The following SDK1 variants were observed in gnomAD, a reference collection of about 807,000 sequenced individuals.
The protein encoded by SDK1 is sidekick cell adhesion molecule 1, also known as protein sidekick-1.
In SDK1, 157 loss-of-function variants were observed where a neutral mutation model predicts 245.5. The ratio of observed to expected loss-of-function variants is 0.64; its 90% CI spans 0.56 to 0.73. SDK1 has a LOEUF of 0.73. Among genes scored for constraint, SDK1 ranks in the 30% least tolerant of loss-of-function variants. The probability of loss-of-function intolerance (pLI) is 0.00; values close to 1 mark genes in which losing one functional copy is unlikely to be tolerated. For synonymous variants in SDK1, 1,647 were observed against 1,278.5 expected (o/e 1.29, Z -6.15); for missense variants, 3,583 against 3,002.3 (o/e 1.19, Z -4.52).
intron 1 of SDK1, among the ~76,000 whole-genome samples, chr7:3,552,046 C>CTT (rs533658017): frequency 6.8e-6 from 1 of 147,772 alleles, no homozygotes; most frequent in Non-Finnish European, 1.5e-5. Flanking sequence ...TCTTCTTCTT[C>CTT]TTTTTTTTTT....
intron 1 of SDK1, among the ~76,000 whole-genome samples, chr7:3,539,777 G>A (rs531108351): frequency 2.0e-5 from 3 of 152,126 alleles, no homozygotes; most frequent in African/African-American, 4.8e-5. Flanking sequence ...AATTTTTAGG[G>A]CTCACCAACT....
intron 5 of SDK1, among the ~76,000 whole-genome samples, chr7:3,949,053 C>T (rs1331044821): frequency 1.3e-5 from 2 of 152,124 alleles, no homozygotes; most frequent in African/African-American, 4.8e-5. Context: ...TGAGTGCATC[C>T]GGACTCTGCC....
chr7:4,114,548 C>T (rs149000326), intron 25 of SDK1, among the ~76,000 whole-genome samples: 8 of 152,258 alleles, frequency 5.3e-5, no homozygotes, highest in East Asian at 1.9e-4. Context: ...TTTTCGCTAA[C>T]GATGAAAAGC....
intron 1 of SDK1, among the ~76,000 whole-genome samples, chr7:3,465,168 A>G (rs7791617): frequency 0.41 from 61,862 of 151,866 alleles, 14,135 homozygotes; most frequent in East Asian, 0.5. Context: ...GACAAGTGGG[A>G]TTCTCAGGGT....
intron 22 of SDK1, among the ~76,000 whole-genome samples, chr7:4,103,922 G>A (rs1262705170): frequency 6.6e-6 from 1 of 152,266 alleles, no homozygotes; most frequent in Non-Finnish European, 1.5e-5. Flanking sequence ...CCGCAGTTCG[G>A]CTGCAAAAGC....
intron 1 of SDK1, among the ~76,000 whole-genome samples, chr7:3,617,863 G>C (rs1319411971): frequency 1.3e-5 from 2 of 152,104 alleles, no homozygotes; most frequent in African/African-American, 4.8e-5. Context: ...ATGAGTTTTG[G>C]AGGGGACATT....
At chr7:3,481,405 C>G (rs181182676) in intron 1 of SDK1, among the ~76,000 whole-genome samples, 92 of 152,318 alleles carry the variant, frequency 6.0e-4, no homozygotes, top group African/African-American at 2.1e-3. Flanking sequence ...AATTGTCAGT[C>G]AAGGATGTGC....
At chr7:3,478,363 A>G (rs1057269557) in intron 1 of SDK1, among the ~76,000 whole-genome samples, 8 of 152,124 alleles carry the variant, frequency 5.3e-5, no homozygotes, top group Non-Finnish European at 2.9e-5. Context: ...TAGGCATAAT[A>G]TATTATTAGT....
At chr7:3,773,447 C>T (rs1001210429) in intron 4 of SDK1, among the ~76,000 whole-genome samples, 1 of 151,960 alleles carries the variant, frequency 6.6e-6, no homozygotes, top group Admixed American at 6.6e-5. Context: ...GTTTTCTTGG[C>T]TTTCTCCACA....
Position 4,242,685 on chromosome 7 carries a change from C to A in SDK1, c.6251+772C>A, listed in dbSNP as rs144475269. On this transcript the variant is annotated intron_variant, in intron 43 of 44. Coordinates refer to ENST00000404826, the MANE Select transcript of SDK1 (RefSeq NM_152744.4). ...GCATCGGGGTGGAGGAGGCTTCTCT[C>A]CCTCAGCCAGACTCACCTTGGATTA... Among the ~76,000 whole-genome samples, 4 of 152,308 alleles carry A rather than the reference C, an allele frequency of 2.6e-5. No homozygotes were observed. In the East Asian group the frequency reaches 5.8e-4, roughly 22 times the overall value.
chr7:3,684,257 C>G (rs369738121), intron 4 of SDK1, among the ~76,000 whole-genome samples: 1 of 152,212 alleles, frequency 6.6e-6, no homozygotes, highest in African/African-American at 2.4e-5. Flanking sequence ...TATTAAGCAT[C>G]ACCCCACACA....
At chr7:3,856,337 G>C (rs975999187) in intron 5 of SDK1, among the ~76,000 whole-genome samples, 3 of 151,994 alleles carry the variant, frequency 2.0e-5, no homozygotes, top group African/African-American at 7.3e-5. Flanking sequence ...TTTAAAAAAT[G>C]AAACAACCTA....
intron 1 of SDK1, among the ~76,000 whole-genome samples, chr7:3,566,455 G>C (rs1240163299): frequency 6.6e-6 from 1 of 151,960 alleles, no homozygotes; most frequent in Non-Finnish European, 1.5e-5. Flanking sequence ...TCGATCTCCT[G>C]ACCTCGTGAT....
chr7:4,172,537 T>A (rs1336432612), intron 32 of SDK1, among the ~76,000 whole-genome samples: 1 of 152,178 alleles, frequency 6.6e-6, no homozygotes, highest in Non-Finnish European at 1.5e-5. Flanking sequence ...TCCTGGTGCC[T>A]GGGTTCAGAT....
At chr7:3,786,084 G>C (rs1253791767) in intron 4 of SDK1, among the ~76,000 whole-genome samples, 1 of 152,184 alleles carries the variant, frequency 6.6e-6, no homozygotes, top group Non-Finnish European at 1.5e-5. Flanking sequence ...GAAATAGAGA[G>C]AGCGAAAGTG....
chr7:4,139,792 A>G (rs915300497), intron 28 of SDK1, among the ~76,000 whole-genome samples: 11 of 151,740 alleles, frequency 7.2e-5, no homozygotes, highest in African/African-American at 2.7e-4. Context: ...CAGGAGCGCT[A>G]TGGGACTGAG....
rs71552309 is a variant in SDK1 at position 3,485,683 on chromosome 7, GTTTT to G, written c.299-133378_299-133375del. On this transcript the variant is annotated intron_variant, in intron 1 of 44. Coordinates refer to ENST00000404826, the MANE Select transcript of SDK1 (RefSeq NM_152744.4). ...GTGCTGAGGGGATGATCTTTGGAGG[GTTTT>G]TTTTTTTTTTTTTTTTTTGAGCCAT... Among the ~76,000 whole-genome samples, 84 of 38,178 alleles carry G rather than the reference GTTTT, an allele frequency of 2.2e-3. 1 individual carries two copies. Among genetic ancestry groups the G allele is most frequent in the African/African-American group, 7.6e-3 (72 of 9,446 alleles). The allele number at this position is 38,178 out of a possible 152,430, so 25.0% of individuals were successfully genotyped here. A position where few individuals can be genotyped will look rare whatever the true frequency, so the allele number is the denominator to read the frequency against.
intron 4 of SDK1, among the ~76,000 whole-genome samples, chr7:3,785,701 A>G (rs1371097808): frequency 6.6e-6 from 1 of 152,152 alleles, no homozygotes; most frequent in Non-Finnish European, 1.5e-5. Context: ...TTAGGCATTT[A>G]TTTAAAAAAA....
chr7:3,381,517 G>T (rs1178287119), intron 1 of SDK1, among the ~76,000 whole-genome samples: 1 of 152,126 alleles, frequency 6.6e-6, no homozygotes, highest in Non-Finnish European at 1.5e-5. Context: ...AGTGACCTGA[G>T]GGAGACTGGG....
Sources: gnomAD v4.1 joint callset for allele counts (sites outside exome capture counted in the v4.1 genomes callset) on GRCh38, gnomAD v4.1.1 for gene constraint, MANE v1.5 for transcripts, NCBI Gene and HGNC (gene_info 2026-07-23, HGNC 2026-07-21) for gene names.